The following SDK1 variants were observed in gnomAD, a reference collection of about 807,000 sequenced individuals.
The protein encoded by SDK1 is protein sidekick-1.
Under a neutral mutation model 245.5 loss-of-function variants are expected in SDK1, and 157 were observed. The observed-to-expected ratio is 0.64, with a 90% CI of 0.56 to 0.73. SDK1 has a LOEUF of 0.73. Ranked by LOEUF, SDK1 falls within the 30% of genes least tolerant of loss-of-function variation. The pLI is 0.00. For missense variants in SDK1, 3,583 were observed against 3,002.3 expected (o/e 1.19, Z -4.52); for synonymous variants, 1,647 against 1,278.5 (o/e 1.29, Z -6.15).
At chr7:4,206,063 A>G (rs1784206316) in intron 36 of SDK1, 69 bp downstream of exon 36, 2 of 1,035,704 alleles carry the variant, frequency 1.9e-6, no homozygotes, top group Admixed American at 5.5e-5. Flanking sequence ...GGTCCTGCCT[A>G]CTGCATTGCC....
At chr7:3,830,087 G>A (rs1332235382) in intron 5 of SDK1, among the ~76,000 whole-genome samples, 1 of 152,158 alleles carries the variant, frequency 6.6e-6, no homozygotes. Flanking sequence ...TATGACTGAT[G>A]TGCGTGATTA....
Position 3,330,725 on chromosome 7 carries a change from C to T in SDK1, c.298+28841C>T, listed in dbSNP as rs1379793776. ...CGGTGACTCATGCCTGCAATCTCAA[C>T]ACTTTGGGAGGCCAAGGCAAGAAGA... On this transcript the variant is annotated intron_variant, in intron 1 of 44. Transcript: ENST00000404826. 4.0e-5 allele frequency among the ~76,000 whole-genome samples: 6 copies of T among 149,622 alleles called. No homozygotes were observed. The South Asian group carries it at 1.1e-3, about 26-fold the overall frequency.
At chr7:3,610,736 T>G (rs1020019567) in intron 1 of SDK1, among the ~76,000 whole-genome samples, 5 of 152,236 alleles carry the variant, frequency 3.3e-5, no homozygotes, top group African/African-American at 1.2e-4. Flanking sequence ...AAATATGGTG[T>G]TAATTTGCAT....
intron 4 of SDK1, among the ~76,000 whole-genome samples, chr7:3,798,896 T>A (rs1172433502): frequency 6.6e-6 from 1 of 152,230 alleles, no homozygotes; most frequent in Non-Finnish European, 1.5e-5. Context: ...TCTTTGAAGT[T>A]GTGCCCACTA....
rs73672172 is a variant in SDK1 at position 3,776,647 on chromosome 7, T to G, written c.714-44803T>G. Among the ~76,000 whole-genome samples, 842 of 152,064 alleles carry G rather than the reference T, an allele frequency of 5.5e-3. 9 individuals are homozygous for G. Among genetic ancestry groups the G allele is most frequent in the African/African-American group, 0.019 (806 of 41,488 alleles). ...ACTCTGGATGATAGTTGTTCATCAC[T>G]GCCTACAGTAACTGACCTATAAAAC... On this transcript the variant is annotated intron_variant, in intron 4 of 44. Coordinates refer to ENST00000404826, the MANE Select transcript of SDK1 (RefSeq NM_152744.4).
intron 1 of SDK1, among the ~76,000 whole-genome samples, chr7:3,359,749 C>T (rs748978408): frequency 1.3e-5 from 2 of 152,036 alleles, no homozygotes; most frequent in Admixed American, 6.6e-5. Flanking sequence ...AATTGTGAGA[C>T]GGTATCTTCA....
intron 7 of SDK1, among the ~76,000 whole-genome samples, chr7:3,952,296 T>C (rs1780897986): frequency 6.6e-6 from 1 of 152,200 alleles, no homozygotes; most frequent in South Asian, 2.1e-4. Flanking sequence ...CTATTATTGC[T>C]GTCCAGGCAT....
chr7:3,599,090 CTTTTTTT>C (rs58431507), intron 1 of SDK1, among the ~76,000 whole-genome samples: 2 of 80,492 alleles, frequency 2.5e-5, no homozygotes, highest in Admixed American at 1.4e-4. Context: ...ACTAATCCAC[CTTTTTTT>C]TTTTTTTTTT....
At chr7:3,766,700 A>G (rs28646263) in intron 4 of SDK1, among the ~76,000 whole-genome samples, 10,864 of 152,266 alleles carry the variant, frequency 0.071, 879 homozygotes, top group African/African-American at 0.2. Context: ...ATATAAAGCT[A>G]ATATTAATAC....
intron 22 of SDK1, among the ~76,000 whole-genome samples, chr7:4,107,296 A>C (rs1782997769): frequency 6.6e-6 from 1 of 152,144 alleles, no homozygotes; most frequent in African/African-American, 2.4e-5. Context: ...ACACATGCAC[A>C]GACCAGGCAA....
intron 1 of SDK1, among the ~76,000 whole-genome samples, chr7:3,388,602 A>G (rs1355798054): frequency 6.6e-6 from 1 of 150,462 alleles, no homozygotes; most frequent in Non-Finnish European, 1.5e-5. Context: ...TACTCACCAC[A>G]TAAGTAGTAG....
At chr7:4,153,242 T>A (rs914439649) in intron 30 of SDK1, among the ~76,000 whole-genome samples, 12 of 152,130 alleles carry the variant, frequency 7.9e-5, no homozygotes, top group African/African-American at 2.9e-4. Flanking sequence ...ATTTCTTTTT[T>A]TTTTTTTTCT....
chr7:4,243,490 T>TCA (rs1034021628), intron 43 of SDK1, among the ~76,000 whole-genome samples: 2 of 152,178 alleles, frequency 1.3e-5, no homozygotes, highest in African/African-American at 4.8e-5. Flanking sequence ...TTTAATGGAC[T>TCA]CACAGTTCCA....
intron 32 of SDK1, among the ~76,000 whole-genome samples, chr7:4,172,225 T>C (rs1781888485): frequency 1.3e-5 from 2 of 152,242 alleles, no homozygotes; most frequent in South Asian, 4.1e-4. Flanking sequence ...CAGCCCTGCA[T>C]GGCAGTGGCC....
chr7:3,788,952 G>A (rs368303898), intron 4 of SDK1, among the ~76,000 whole-genome samples: 3 of 152,198 alleles, frequency 2.0e-5, no homozygotes, highest in Admixed American at 6.5e-5. Context: ...AACTGTTTAC[G>A]GGGGCTCCCC....
intron 2 of SDK1, among the ~76,000 whole-genome samples, chr7:3,622,642 T>C (rs1435318181): frequency 1.3e-5 from 2 of 152,206 alleles, no homozygotes; most frequent in African/African-American, 4.8e-5. Context: ...TAAGAGCCCT[T>C]GCATATGTAT....
At chr7:3,855,216 T>C (rs773659725) in intron 5 of SDK1, among the ~76,000 whole-genome samples, 1 of 152,022 alleles carries the variant, frequency 6.6e-6, no homozygotes, top group African/African-American at 2.4e-5. Flanking sequence ...ACAGCAGATA[T>C]TCTTACCTGG....
intron 4 of SDK1, among the ~76,000 whole-genome samples, chr7:3,803,525 G>A (rs535446211): frequency 6.6e-6 from 1 of 151,592 alleles, no homozygotes; most frequent in African/African-American, 2.4e-5. Context: ...GGACCAGGCT[G>A]GTCTCAAACT....
At chr7:4,121,078 A>G (rs1214589909) in intron 25 of SDK1, among the ~76,000 whole-genome samples, 1 of 152,124 alleles carries the variant, frequency 6.6e-6, no homozygotes, top group African/African-American at 2.4e-5. Context: ...AATGTATTCC[A>G]GGGTTTTTCT....
Sources: gnomAD v4.1 joint callset for allele counts (sites outside exome capture counted in the v4.1 genomes callset) on GRCh38, gnomAD v4.1.1 for gene constraint, MANE v1.5 for transcripts, NCBI Gene and HGNC (gene_info 2026-07-23, HGNC 2026-07-21) for gene names.